PDE1C: variants seen among roughly 807,000 people sequenced by gnomAD.
The protein encoded by PDE1C is dual specificity calcium/calmodulin-dependent 3',5'-cyclic nucleotide phosphodiesterase 1C.
A neutral mutation model predicts 93.1 loss-of-function variants in PDE1C; 62 were observed. That is an observed-to-expected ratio of 0.67 (90% CI 0.54 to 0.82). The LOEUF (loss-of-function observed/expected upper bound fraction) is 0.82, where lower values mean the gene tolerates loss of function less well. Ranked by LOEUF, PDE1C falls within the 40% of genes least tolerant of loss-of-function variation. The pLI is 0.00. For missense variants in PDE1C, 742 were observed against 884.6 expected (o/e 0.84, Z 2.04); for synonymous variants, 325 against 310.1 (o/e 1.05, Z -0.50).
intron 2 of PDE1C, among the ~76,000 whole-genome samples, chr7:32,196,248 A>T (rs546714644): frequency 3.9e-5 from 6 of 152,172 alleles, no homozygotes; most frequent in African/African-American, 1.2e-4. Flanking sequence ...CTTTTTTGGA[A>T]TGGGTGAGGA....
chr7:31,621,012 G>A, the PDE1C span, among the ~76,000 whole-genome samples: 1 of 151,810 alleles, frequency 6.6e-6, no homozygotes, highest in Non-Finnish European at 1.5e-5. Flanking sequence ...TATCAGTGAT[G>A]GAAGATGAAA....
intron 17 of PDE1C, among the ~76,000 whole-genome samples, chr7:31,765,157 A>G (rs564611122): frequency 1.3e-5 from 2 of 152,280 alleles, no homozygotes; most frequent in South Asian, 4.2e-4. Context: ...CTTTCCCTGA[A>G]CAAATAGGTG....
chr7:32,327,102 G>A (rs1168317765), intron 1 of PDE1C, among the ~76,000 whole-genome samples: 1 of 152,088 alleles, frequency 6.6e-6, no homozygotes, highest in South Asian at 2.1e-4. Context: ...AAACATCTCC[G>A]TAATCCATTA....
At chr7:32,047,804 T>A (rs1792804519) in intron 2 of PDE1C, among the ~76,000 whole-genome samples, 1 of 152,178 alleles carries the variant, frequency 6.6e-6, no homozygotes, top group East Asian at 1.9e-4. Flanking sequence ...AAATGTAGAT[T>A]ATTTTTGTAT....
At chr7:31,981,225 C>T (rs1812327221) in intron 2 of PDE1C, among the ~76,000 whole-genome samples, 1 of 151,996 alleles carries the variant, frequency 6.6e-6, no homozygotes, top group Non-Finnish European at 1.5e-5. Flanking sequence ...AGAATATTAC[C>T]ATTATAATAT....
At chr7:32,121,332 C>T (rs897961597) in intron 3 of PDE1C, among the ~76,000 whole-genome samples, 1 of 151,846 alleles carries the variant, frequency 6.6e-6, no homozygotes, top group African/African-American at 2.4e-5. Context: ...GGAGTACTTC[C>T]CTAACCTAGC....
intron 2 of PDE1C, among the ~76,000 whole-genome samples, chr7:31,967,650 A>G (rs1307340978): frequency 6.6e-6 from 1 of 152,176 alleles, no homozygotes; most frequent in East Asian, 1.9e-4. Context: ...TGGCAGAGAC[A>G]CAACAAACAA....
chr7:31,722,394 TG>T, the PDE1C span, among the ~76,000 whole-genome samples: 1 of 152,224 alleles, frequency 6.6e-6, no homozygotes, highest in East Asian at 1.9e-4. Context: ...TATTGAACAC[TG>T]GGCTAGACAC....
chr7:31,930,603 G>A (rs1804063801), intron 2 of PDE1C, among the ~76,000 whole-genome samples: 1 of 152,024 alleles, frequency 6.6e-6, no homozygotes, highest in Admixed American at 6.5e-5. Context: ...CACCTTGGAA[G>A]GCCAAGGCAG....
chr7:31,847,115 A>G (rs920628938), intron 9 of PDE1C, among the ~76,000 whole-genome samples: 1 of 152,178 alleles, frequency 6.6e-6, no homozygotes, highest in Non-Finnish European at 1.5e-5. Context: ...ACCTTAACCT[A>G]TATTTATAGC....
chr7:31,906,424 T>C (rs1168106485), intron 2 of PDE1C, among the ~76,000 whole-genome samples: 2 of 152,196 alleles, frequency 1.3e-5, no homozygotes, highest in East Asian at 3.9e-4. Flanking sequence ...CAATCTGTGA[T>C]TCCTGAATTT....
intron 16 of PDE1C, chr7:31,788,960 C>T (rs1239147471): frequency 1.3e-5 from 2 of 152,078 alleles, no homozygotes; most frequent in Non-Finnish European, 2.9e-5. Context: ...AATAAAAGGA[C>T]GTTTAAATAT....
chr7:31,822,621 A>G (rs1789112434), intron 14 of PDE1C, among the ~76,000 whole-genome samples: 1 of 152,210 alleles, frequency 6.6e-6, no homozygotes, highest in African/African-American at 2.4e-5. Flanking sequence ...AACTGAGAAT[A>G]TGAAAGGAAT....
intron 8 of PDE1C, among the ~76,000 whole-genome samples, chr7:31,848,746 A>T (rs756464949): frequency 2.6e-5 from 4 of 152,212 alleles, no homozygotes; most frequent in Admixed American, 6.5e-5. Context: ...GTTTCTCACC[A>T]AGGAAGCTGA....
At chr7:32,313,752 A>G (rs1290531453) in intron 1 of PDE1C, among the ~76,000 whole-genome samples, 25 of 98,950 alleles carry the variant, frequency 2.5e-4, no homozygotes, top group African/African-American at 8.2e-4. Context: ...GGGGACTGTC[A>G]TGAGGTGGGG....
chr7:32,302,849 A>G (rs543721330), upstream of PDE1C, among the ~76,000 whole-genome samples: 340 of 152,314 alleles, frequency 2.2e-3, 1 homozygote, highest in Non-Finnish European at 3.9e-3. Flanking sequence ...TACTATTTGG[A>G]TTCTCCCAAC....
rs1012997828 is a variant in PDE1C, at chr7:32,312,740, C to T, written c.311-103201G>A. On this transcript the variant is annotated intron_variant, in intron 1 of 1. Transcript: ENST00000672256. Reference sequence around the variant, plus strand: ...AACTTGATCCCTTCCTTACACCTTACACAAAAATTAATTCAAAATGGATTA... The same window carrying T: ...AACTTGATCCCTTCCTTACACCTTATACAAAAATTAATTCAAAATGGATTA... Among the ~76,000 whole-genome samples the T allele has an allele frequency of 6.6e-5, 10 of 152,254 alleles. No homozygotes were observed. The South Asian group carries it at 1.0e-3, about 16-fold the overall frequency.
chr7:32,158,330 T>C (rs1473040575), intron 3 of PDE1C, among the ~76,000 whole-genome samples: 2 of 152,192 alleles, frequency 1.3e-5, no homozygotes, highest in African/African-American at 4.8e-5. Context: ...CAAGCATGTC[T>C]GTAGCTCCTG....
rs1296929399 is a variant in PDE1C, at chr7:31,873,624, C to T, written c.493-216G>A. Among the ~76,000 whole-genome samples, 4 of 152,224 alleles carry T rather than the reference C, an allele frequency of 2.6e-5. No homozygotes were observed. In the East Asian group the frequency reaches 5.8e-4, roughly 22 times the overall value. ...ATAGTCTTATTACTAATACAAATAG[C>T]CATAATTTATTGAGTACCTACTGTA... On this transcript the variant is annotated intron_variant, in intron 5 of 17. Coordinates refer to ENST00000396191, the MANE Select transcript of PDE1C (RefSeq NM_001191057.4).
Sources: gnomAD v4.1 joint callset for allele counts (sites outside exome capture counted in the v4.1 genomes callset) on GRCh38, gnomAD v4.1.1 for gene constraint, MANE v1.5 for transcripts, NCBI Gene and HGNC (gene_info 2026-07-23, HGNC 2026-07-21) for gene names.